STK24: variants seen among roughly 807,000 people sequenced by gnomAD.
STK24 encodes serine/threonine kinase 24, also known as serine/threonine-protein kinase 24.
A neutral mutation model predicts 55.6 loss-of-function variants in STK24; 21 were observed. The ratio of observed to expected loss-of-function variants is 0.38; its 90% CI spans 0.27 to 0.54. The LOEUF is 0.54. STK24 is among the 20% of genes least tolerant of loss of function. STK24 has a pLI of 0.79. For synonymous variants in STK24, 200 were observed against 215.2 expected (o/e 0.93, Z 0.62); for missense variants, 383 against 538.4 (o/e 0.71, Z 2.86).
rs1003265765 is a variant in STK24 at position 98,576,859 on chromosome 13, C to A, written c.-73G>T. 65 of 972,340 alleles carry A rather than the reference C, an allele frequency of 6.7e-5. No individual in the cohort carries two copies. The South Asian group carries it at 1.4e-3, about 21-fold the overall frequency. The allele number at this position is 972,340 out of a possible 1,614,324, so 60.2% of individuals were successfully genotyped here. A position where few individuals can be genotyped will look rare whatever the true frequency, so the allele number is the denominator to read the frequency against. On this transcript the variant is annotated 5_prime_UTR_variant, in exon 1 of 11. Transcript: ENST00000539966. ...GATCCGCGCGGGGCGGCGAGGCCCG[C>A]GGGCCGCGCGCAGCCCTCGGGCGGC...
At chr13:98,555,601 A>G (rs1256157500) in intron 1 of STK24, among the ~76,000 whole-genome samples, 1 of 151,882 alleles carries the variant, frequency 6.6e-6, no homozygotes, top group Non-Finnish European at 1.5e-5. Flanking sequence ...ATATAAATAA[A>G]TAAAAACCTC....
At chr13:98,526,740 G>A (rs1478832721) in intron 1 of STK24, among the ~76,000 whole-genome samples, 3 of 152,184 alleles carry the variant, frequency 2.0e-5, no homozygotes, top group African/African-American at 7.2e-5. Flanking sequence ...GGGGAGGAGT[G>A]AGTGAGTGAC....
intron 2 of STK24, among the ~76,000 whole-genome samples, chr13:98,508,612 G>A (rs1594623621): frequency 6.6e-6 from 1 of 152,226 alleles, no homozygotes; most frequent in East Asian, 1.9e-4. Flanking sequence ...AGTGAGGGTG[G>A]GAGGAACAGG....
At chr13:98,472,595 T>C (rs992999625) in intron 5 of STK24, among the ~76,000 whole-genome samples, 9 of 152,176 alleles carry the variant, frequency 5.9e-5, no homozygotes, top group African/African-American at 2.2e-4. Flanking sequence ...CACAGTGCAG[T>C]TGCTCAGTAC....
intron 1 of STK24, among the ~76,000 whole-genome samples, chr13:98,573,478 C>T (rs9517354): frequency 0.18 from 26,680 of 151,796 alleles, 2,397 homozygotes; most frequent in Non-Finnish European, 0.19. Context: ...CTATTTTTTT[C>T]CCCTACTGAA....
chr13:98,512,702 G>C (rs1290867993), intron 2 of STK24, among the ~76,000 whole-genome samples: 1 of 139,826 alleles, frequency 7.2e-6, no homozygotes, highest in Non-Finnish European at 1.6e-5. Flanking sequence ...GTCATTATCA[G>C]TTTGCTACAA....
At chr13:98,476,013 T>C (rs1156787335) in intron 3 of STK24, among the ~76,000 whole-genome samples, 1 of 151,760 alleles carries the variant, frequency 6.6e-6, no homozygotes, top group East Asian at 1.9e-4. Flanking sequence ...GTTTGGGATT[T>C]GTTATATAAT....
chr13:98,455,495 C>A, intron 10 of STK24: 1 of 152,360 alleles, frequency 6.6e-6, no homozygotes, highest in Non-Finnish European at 1.5e-5. Flanking sequence ...CCTGCCTGGG[C>A]CTCCCAAAGC....
chr13:98,544,544 C>T (rs1896981934), intron 1 of STK24, among the ~76,000 whole-genome samples: 1 of 152,218 alleles, frequency 6.6e-6, no homozygotes, highest in African/African-American at 2.4e-5. Context: ...GCAGGGCAGG[C>T]CGGAGAGGAG....
chr13:98,538,622 G>GC (rs2139415696), intron 1 of STK24, among the ~76,000 whole-genome samples: 1 of 152,180 alleles, frequency 6.6e-6, no homozygotes, highest in South Asian at 2.1e-4. Flanking sequence ...TTCATTCTCT[G>GC]CCCAGTCTCT....
intron 2 of STK24, among the ~76,000 whole-genome samples, chr13:98,516,624 A>G (rs1444266164): frequency 6.6e-6 from 1 of 152,194 alleles, no homozygotes; most frequent in Non-Finnish European, 1.5e-5. Context: ...GGGCACATAA[A>G]AACTTCCCAC....
chr13:98,446,890 A>AAGTC lies in STK24; in HGVS notation c.*6279_*6282dup. 3.3e-6 allele frequency: 5 copies of AAGTC among 1,538,312 alleles called. No individual in the cohort carries two copies. Among genetic ancestry groups the AAGTC allele is most frequent in the Non-Finnish European group, 4.5e-6 (5 of 1,120,758 alleles). On this transcript the variant is annotated 3_prime_UTR_variant, in exon 11 of 11. Coordinates refer to ENST00000539966, the MANE Select transcript of STK24 (RefSeq NM_001032296.4). ...TCTTCCAAACATCAGGATTTCTCCC[A>AAGTC]AGTCAGCGAGTGAGATGGCCCCACC... is the stretch of plus-strand genomic sequence containing the variant.
Position 98,457,236 on chromosome 13 carries a change from G to A in STK24, c.1191C>T (p.Tyr397=), listed in dbSNP as rs376743453. The change falls in exon 10 of 11, where the codon TAC becomes TAT. Residue 397 remains tyrosine, a synonymous_variant. Coordinates refer to ENST00000539966, the MANE Select transcript of STK24 (RefSeq NM_001032296.4). ...GSIEELRGAI[Y]LAEEACPGIS... ...TGCCAGGGCACGCCTCCTCCGCTAG[G>A]TAGATGGCCCCTCGCAGCTCTTCAA... 1.9e-6 allele frequency: 3 copies of A among 1,613,534 alleles called. No homozygotes were observed. The highest frequency in any genetic ancestry group is 2.2e-5 in the East Asian group (1 of 44,878).
At chr13:98,523,596 A>G (rs1896333512) in intron 1 of STK24, among the ~76,000 whole-genome samples, 1 of 152,140 alleles carries the variant, frequency 6.6e-6, no homozygotes, top group African/African-American at 2.4e-5. Context: ...GCAATCGAAA[A>G]TGGTGTGGTC....
chr13:98,448,473 C>A lies in STK24; in HGVS notation c.*4700G>T. 3.2e-6 allele frequency: 2 copies of A among 631,444 alleles called. No homozygotes were observed. The highest frequency in any genetic ancestry group is 5.7e-6 in the Non-Finnish European group (2 of 353,234). The allele number at this position is 631,444 out of a possible 1,614,324, so 39.1% of individuals were successfully genotyped here. A position where few individuals can be genotyped will look rare whatever the true frequency, so the allele number is the denominator to read the frequency against. On this transcript the variant is annotated 3_prime_UTR_variant, in exon 11 of 11. Transcript: ENST00000539966. The stretch of plus-strand genomic sequence containing the variant: ...TCTCCACAGCCGCGTTTTTTAACCC[C>A]GACCTCTCAGCGTCTGAATGAACAG...
chr13:98,473,134 A>T (rs73556232), intron 5 of STK24, among the ~76,000 whole-genome samples: 1,667 of 150,728 alleles, frequency 0.011, 40 homozygotes, highest in African/African-American at 0.039. Flanking sequence ...AGGAGAAGAG[A>T]CTTTTGTTCT....
At chr13:98,563,592 C>A (rs1261280172) in intron 1 of STK24, among the ~76,000 whole-genome samples, 1 of 152,156 alleles carries the variant, frequency 6.6e-6, no homozygotes, top group Admixed American at 6.5e-5. Flanking sequence ...GGCGTGGTGG[C>A]TCACGCCTGT....
At chr13:98,481,194 T>C (rs1403204170) in intron 3 of STK24, among the ~76,000 whole-genome samples, 7 of 152,226 alleles carry the variant, frequency 4.6e-5, no homozygotes, top group African/African-American at 1.7e-4. Flanking sequence ...ACGAATTCGT[T>C]TGCATTTACT....
intron 2 of STK24, among the ~76,000 whole-genome samples, chr13:98,506,976 T>A (rs369092547): frequency 2.0e-5 from 3 of 152,084 alleles, no homozygotes; most frequent in Admixed American, 2.0e-4. Flanking sequence ...ACTGGACACA[T>A]GCAAAGGGCG....
Sources: allele counts gnomAD v4.1 joint callset (sites outside exome capture counted in the v4.1 genomes callset), GRCh38; gene constraint gnomAD v4.1.1; transcripts MANE v1.5; gene names NCBI Gene and HGNC (gene_info 2026-07-23, HGNC 2026-07-21).